TMEM132B: variants seen among roughly 807,000 people sequenced by gnomAD.
The protein encoded by TMEM132B is transmembrane protein 132B.
In TMEM132B, 18 loss-of-function variants were observed where a neutral mutation model predicts 90.8. The observed-to-expected ratio is 0.20, with a 90% confidence interval of 0.14 to 0.29. The LOEUF (loss-of-function observed/expected upper bound fraction) is 0.29, where lower values mean the gene tolerates loss of function less well. TMEM132B is among the 10% of genes least tolerant of loss of function. The pLI is 1.00. For missense variants in TMEM132B, 1,096 were observed against 1,326.8 expected, an observed-to-expected ratio of 0.83 and a Z score of 2.70; for synonymous variants, 504 against 523.3, an observed-to-expected ratio of 0.96 and a Z score of 0.50.
chr12:125,524,519 A>T (rs1883395051), intron 4 of TMEM132B, among the ~76,000 whole-genome samples: 2 of 152,196 alleles, frequency 1.3e-5, no homozygotes, highest in South Asian at 4.1e-4. Flanking sequence ...AATCTTTCTG[A>T]AGCTCCAATT....
intron 2 of TMEM132B, among the ~76,000 whole-genome samples, chr12:125,387,904 G>C (rs1484191143): frequency 1.3e-5 from 2 of 152,206 alleles, no homozygotes; most frequent in Admixed American, 1.3e-4. Context: ...AGAAGGAAAA[G>C]TCTTCGGGGG....
At chr12:125,468,696 A>G (rs1881634665) in intron 3 of TMEM132B, among the ~76,000 whole-genome samples, 1 of 152,220 alleles carries the variant, frequency 6.6e-6, no homozygotes, top group Non-Finnish European at 1.5e-5. Flanking sequence ...CAGTATGGAC[A>G]TTTTAATAAT....
intron 4 of TMEM132B, among the ~76,000 whole-genome samples, chr12:125,520,497 C>T (rs1362349234): frequency 3.9e-5 from 6 of 151,908 alleles, no homozygotes; most frequent in Admixed American, 1.3e-4. Flanking sequence ...ATTCTGCCAT[C>T]CCCGAATCTC....
intron 2 of TMEM132B, among the ~76,000 whole-genome samples, chr12:125,363,174 C>T (rs1362974473): frequency 1.3e-5 from 2 of 152,176 alleles, no homozygotes; most frequent in Non-Finnish European, 2.9e-5. Context: ...CTATAAAGTA[C>T]CAGTTTTAAA....
intron 3 of TMEM132B, among the ~76,000 whole-genome samples, chr12:125,515,518 C>A (rs1212554447): frequency 1.3e-5 from 2 of 151,874 alleles, no homozygotes; most frequent in African/African-American, 2.4e-5. Flanking sequence ...TTCGCTCACA[C>A]CCCTTCACAC....
intron 3 of TMEM132B, among the ~76,000 whole-genome samples, chr12:125,486,825 T>G (rs1026519168): frequency 2.0e-5 from 3 of 152,226 alleles, no homozygotes; most frequent in African/African-American, 7.2e-5. Flanking sequence ...ATTACCGTCT[T>G]CCTTTTGGTA....
At chr12:125,618,863 A>T (rs1317248610) in intron 5 of TMEM132B, among the ~76,000 whole-genome samples, 8 of 152,198 alleles carry the variant, frequency 5.3e-5, no homozygotes. Flanking sequence ...TTTGGTAACC[A>T]CTGAAGAAAC....
chr12:125,549,758 T>C (rs1411994728), intron 4 of TMEM132B, among the ~76,000 whole-genome samples: 1 of 152,226 alleles, frequency 6.6e-6, no homozygotes, highest in Non-Finnish European at 1.5e-5. Flanking sequence ...TGCAACCCTT[T>C]ATCAAGCCTT....
chr12:125,193,316 C>T (rs1330029958), intron 1 of TMEM132B, among the ~76,000 whole-genome samples: 1 of 152,168 alleles, frequency 6.6e-6, no homozygotes, highest in South Asian at 2.1e-4. Flanking sequence ...AGGGTCTCCT[C>T]CCCAGAGCTC....
At position 125,438,232 on chromosome 12, in the gene TMEM132B, G is replaced by A. The variant is rs35876705; in HGVS notation, c.1106+22555G>A. On this transcript the variant is annotated intron_variant, in intron 3 of 8. Coordinates refer to ENST00000682704, the MANE Select transcript of TMEM132B (RefSeq NM_001366854.1). ...CATCAGGGCTGATATGTCCATCTGG[G>A]CAGTAACTCTGTAAGGAAGGAGGTT... Among the ~76,000 whole-genome samples, 554 of 152,282 alleles carry A rather than the reference G, an allele frequency of 3.6e-3. 3 individuals are homozygous for A. Among genetic ancestry groups the A allele is most frequent in the Middle Eastern group, 0.034 (10 of 292 alleles).
chr12:125,364,119 C>T (rs1801230418), intron 2 of TMEM132B, among the ~76,000 whole-genome samples: 1 of 152,076 alleles, frequency 6.6e-6, no homozygotes, highest in South Asian at 2.1e-4. Flanking sequence ...TATATGTGGA[C>T]ATCATAAACA....
chr12:125,328,748 TG>T (rs1448437755), intron 1 of TMEM132B, among the ~76,000 whole-genome samples: 1 of 152,208 alleles, frequency 6.6e-6, no homozygotes, highest in African/African-American at 2.4e-5. Flanking sequence ...GGATGTGTTT[TG>T]GGGGCACCAT....
intron 3 of TMEM132B, among the ~76,000 whole-genome samples, chr12:125,457,947 G>A (rs1369623869): frequency 6.6e-6 from 1 of 152,184 alleles, no homozygotes; most frequent in Non-Finnish European, 1.5e-5. Flanking sequence ...CTAATGGAAA[G>A]CAAGGCCTGC....
intron 2 of TMEM132B, among the ~76,000 whole-genome samples, chr12:125,388,293 G>A (rs1388535687): frequency 6.6e-6 from 1 of 152,220 alleles, no homozygotes; most frequent in Middle Eastern, 3.4e-3. Flanking sequence ...GCTGGGCGTG[G>A]TGGTGCACGT....
chr12:125,272,503 A>G (rs143143857), intron 1 of TMEM132B, among the ~76,000 whole-genome samples: 1 of 152,276 alleles, frequency 6.6e-6, no homozygotes, highest in East Asian at 1.9e-4. Context: ...GTCTTTGAAC[A>G]GGCACTGAAT....
intron 1 of TMEM132B, among the ~76,000 whole-genome samples, chr12:125,258,930 T>C (rs1874499738): frequency 6.6e-6 from 1 of 151,790 alleles, no homozygotes; most frequent in Admixed American, 6.6e-5. Context: ...AGAGAAAGAG[T>C]GATCCAGGCA....
At chr12:125,276,971 C>G (rs746666120) in intron 1 of TMEM132B, among the ~76,000 whole-genome samples, 1 of 152,134 alleles carries the variant, frequency 6.6e-6, no homozygotes, top group Non-Finnish European at 1.5e-5. Flanking sequence ...TTACCACATG[C>G]GATTTTAACG....
At position 125,650,674 on chromosome 12, in the gene TMEM132B, G is replaced by A. The variant is rs1886882450; in HGVS notation, c.1644-9G>A. 1.2e-6 allele frequency: 2 copies of A among 1,602,856 alleles called. No individual in the cohort carries two copies. The highest frequency in any genetic ancestry group is 1.3e-5 in the African/African-American group (1 of 74,732). On this transcript the variant is annotated splice_polypyrimidine_tract_variant and intron_variant, in intron 6 of 8. Transcript: ENST00000682704. ...AGACTTTGTTCTGTTTCGATTCCTT[G>A]TGCTCCAGGCCTACCCGGGAAAGCG...
intron 1 of TMEM132B, among the ~76,000 whole-genome samples, chr12:125,293,421 A>G: frequency 7.2e-6 from 1 of 138,344 alleles, no homozygotes; most frequent in South Asian, 2.1e-4. Context: ...CATAATACCC[A>G]GTAGGTAGTT....
Sources: allele counts gnomAD v4.1 joint callset (sites outside exome capture counted in the v4.1 genomes callset), GRCh38; gene constraint gnomAD v4.1.1; transcripts MANE v1.5; gene names NCBI Gene and HGNC (gene_info 2026-07-23, HGNC 2026-07-21).